The following FRMD4A variants were observed in gnomAD, a reference collection of about 807,000 sequenced individuals.
The protein encoded by FRMD4A is FERM domain containing 4A, also known as FERM domain-containing protein 4A.
A neutral mutation model predicts 129.1 loss-of-function variants in FRMD4A; 29 were observed. That is an observed-to-expected ratio of 0.22 (90% CI 0.17 to 0.31). The LOEUF is 0.31. Ranked by LOEUF, FRMD4A falls within the 10% of genes least tolerant of loss-of-function variation. The probability of loss-of-function intolerance (pLI) is 1.00; values close to 1 mark genes in which losing one functional copy is unlikely to be tolerated. For synonymous variants in FRMD4A, 634 were observed against 571.6 expected (o/e 1.11, Z -1.56); for missense variants, 1,272 against 1,375.8 (o/e 0.92, Z 1.19).
intron 2 of FRMD4A, among the ~76,000 whole-genome samples, chr10:13,899,312 G>A (rs915595256): frequency 1.3e-5 from 2 of 152,164 alleles, no homozygotes; most frequent in Admixed American, 1.3e-4. Context: ...CAGTGCTAGA[G>A]CTTTCCAAAC....
At chr10:13,893,031 GTGTT>G (rs375375007) in intron 2 of FRMD4A, among the ~76,000 whole-genome samples, 435 of 152,134 alleles carry the variant, frequency 2.9e-3, no homozygotes, top group African/African-American at 9.3e-3. Flanking sequence ...TACCTGTTTT[GTGTT>G]TGTTTGTTTG....
intron 2 of FRMD4A, among the ~76,000 whole-genome samples, chr10:13,936,951 C>A (rs2095254027): frequency 6.6e-6 from 1 of 152,214 alleles, no homozygotes; most frequent in African/African-American, 2.4e-5. Flanking sequence ...CTTTCTGTTG[C>A]TTCTGATCCA....
chr10:14,273,945 C>A (rs1480626415), intron 2 of FRMD4A, among the ~76,000 whole-genome samples: 1 of 152,146 alleles, frequency 6.6e-6, no homozygotes, highest in Non-Finnish European at 1.5e-5. Flanking sequence ...AAACATCAAC[C>A]CTGACCTGTG....
chr10:14,032,671 C>T (rs952335599), intron 2 of FRMD4A, among the ~76,000 whole-genome samples: 2 of 152,236 alleles, frequency 1.3e-5, no homozygotes, highest in Non-Finnish European at 2.9e-5. Flanking sequence ...AAGACGCCCA[C>T]CCTTTGGTGG....
At chr10:14,073,939 C>T (rs1463538987) in intron 2 of FRMD4A, among the ~76,000 whole-genome samples, 1 of 152,066 alleles carries the variant, frequency 6.6e-6, no homozygotes, top group African/African-American at 2.4e-5. Context: ...TAGTGAAACT[C>T]TGGTTCTACT....
intron 2 of FRMD4A, among the ~76,000 whole-genome samples, chr10:14,088,851 C>T (rs1588949525): frequency 6.6e-6 from 1 of 150,668 alleles, no homozygotes; most frequent in Admixed American, 6.6e-5. Flanking sequence ...CACTGTTTTC[C>T]CCAGGAGGGA....
chr10:13,733,706 C>T (rs7916675), intron 12 of FRMD4A, among the ~76,000 whole-genome samples: 3 of 152,210 alleles, frequency 2.0e-5, no homozygotes, highest in Non-Finnish European at 4.4e-5. Context: ...GGATTACAGG[C>T]GTGAGCCACC....
intron 2 of FRMD4A, among the ~76,000 whole-genome samples, chr10:14,159,963 C>G (rs958418470): frequency 6.6e-6 from 1 of 152,064 alleles, no homozygotes; most frequent in Non-Finnish European, 1.5e-5. Flanking sequence ...GGCAGGAGAA[C>G]TGCTTGAACC....
At chr10:13,923,638 C>G (rs1015734344) in intron 2 of FRMD4A, among the ~76,000 whole-genome samples, 1 of 152,180 alleles carries the variant, frequency 6.6e-6, no homozygotes, top group Non-Finnish European at 1.5e-5. Context: ...CATGTAATGC[C>G]TCACACCGAG....
At chr10:14,069,870 C>A (rs761271818) in intron 2 of FRMD4A, among the ~76,000 whole-genome samples, 1 of 152,092 alleles carries the variant, frequency 6.6e-6, no homozygotes, top group South Asian at 2.1e-4. Context: ...ATTCTCCTGG[C>A]CCTTTATTTG....
chr10:14,008,073 C>T (rs937348671), intron 2 of FRMD4A: 9 of 1,303,632 alleles, frequency 6.9e-6, no homozygotes, highest in East Asian at 5.6e-5. Flanking sequence ...TTCAACGCTG[C>T]GCCTTCTCAG....
At chr10:13,905,097 G>A (rs776167534) in intron 2 of FRMD4A, among the ~76,000 whole-genome samples, 12 of 151,666 alleles carry the variant, frequency 7.9e-5, no homozygotes, top group Admixed American at 3.9e-4. Context: ...GTCTGGAACT[G>A]TGACCACTGT....
At chr10:13,667,310 G>C (rs1297057044) in intron 17 of FRMD4A, 1 of 152,332 alleles carries the variant, frequency 6.6e-6, no homozygotes, top group South Asian at 2.1e-4. Flanking sequence ...GGGCACAAAT[G>C]GACAGTGGGT....
chr10:14,096,736 C>G (rs954233244), intron 2 of FRMD4A, among the ~76,000 whole-genome samples: 1 of 152,174 alleles, frequency 6.6e-6, no homozygotes, highest in African/African-American at 2.4e-5. Context: ...GGAGAGACAC[C>G]TGAGCATGAG....
chr10:13,889,665 C>T (rs1442999700), intron 2 of FRMD4A, among the ~76,000 whole-genome samples: 2 of 152,166 alleles, frequency 1.3e-5, no homozygotes, highest in Non-Finnish European at 2.9e-5. Flanking sequence ...GCAATAGCAG[C>T]GGCAGATCAC....
intron 2 of FRMD4A, among the ~76,000 whole-genome samples, chr10:14,108,307 G>C (rs1183748287): frequency 2.0e-5 from 3 of 152,170 alleles, no homozygotes; most frequent in Non-Finnish European, 2.9e-5. Flanking sequence ...GTTGTATTTT[G>C]TGATACTGAT....
intron 2 of FRMD4A, among the ~76,000 whole-genome samples, chr10:14,121,586 A>G (rs1322915638): frequency 6.6e-6 from 1 of 152,178 alleles, no homozygotes; most frequent in Non-Finnish European, 1.5e-5. Flanking sequence ...GAGAGGTGTG[A>G]AAGGGCAAAG....
At chr10:13,777,572 T>C (rs1177406374) in intron 6 of FRMD4A, among the ~76,000 whole-genome samples, 1 of 152,116 alleles carries the variant, frequency 6.6e-6, no homozygotes, top group Non-Finnish European at 1.5e-5. Flanking sequence ...ACCTTGAACC[T>C]AAATGTGGCT....
intron 6 of FRMD4A, among the ~76,000 whole-genome samples, chr10:13,769,594 G>A (rs2092393866): frequency 6.6e-6 from 1 of 152,104 alleles, no homozygotes; most frequent in South Asian, 2.1e-4. Context: ...ACAGGCATGA[G>A]CCACTGTGTC....
Sources: gnomAD v4.1 joint callset for allele counts (sites outside exome capture counted in the v4.1 genomes callset) on GRCh38, gnomAD v4.1.1 for gene constraint, MANE v1.5 for transcripts, NCBI Gene and HGNC (gene_info 2026-07-23, HGNC 2026-07-21) for gene names.